The following RAVER2 variants were observed in gnomAD, a reference collection of about 807,000 sequenced individuals.
The protein encoded by RAVER2 is ribonucleoprotein PTB-binding 2.
RAVER2 carries 46 observed loss-of-function variants against 78.1 expected under a neutral mutation model. The ratio of observed to expected loss-of-function variants is 0.59; its 90% confidence interval spans 0.46 to 0.75. The LOEUF is 0.75. Ranked by LOEUF, RAVER2 falls within the 30% of genes least tolerant of loss-of-function variation. The pLI is 0.00. For missense variants in RAVER2, 793 were observed against 837.5 expected (o/e 0.95, Z 0.66); for synonymous variants, 311 against 313.3 (o/e 0.99, Z 0.08).
At chr1:64,763,532 A>G (rs1652082521) in intron 1 of RAVER2, among the ~76,000 whole-genome samples, 1 of 152,192 alleles carries the variant, frequency 6.6e-6, no homozygotes, top group South Asian at 2.1e-4. Flanking sequence ...AAGTAGAGCA[A>G]TTGGCACTCA....
rs368092695 is a variant in RAVER2, at chr1:64,751,551, A to G, written c.249+6130A>G. Among the ~76,000 whole-genome samples, 14 of 152,226 alleles carry G rather than the reference A, an allele frequency of 9.2e-5. No homozygotes were observed. The East Asian group carries it at 9.6e-4, about 10-fold the overall frequency. On this transcript the variant is annotated intron_variant, in intron 1 of 11. Transcript: ENST00000294428. ...TCTCTTGATTCTTCTATTTGCACTT[A>G]TTCTTCTTTCCTTATGGACAAAAAG...
chr1:64,778,028 A>G lies in RAVER2; in HGVS notation c.722A>G (p.Asp241Gly), dbSNP rs923557148. 5 of 1,613,930 alleles carry G rather than the reference A, an allele frequency of 3.1e-6. No homozygotes were observed. The African/African-American group carries it at 5.3e-5, about 17-fold the overall frequency. Residue 241 changes from aspartate to glycine, a missense_variant, in exon 3 of 12, where the codon GAC becomes GGC. Physicochemically the swap from Asp to Gly is moderately conservative, Grantham distance 94. Transcript: ENST00000294428. ...CTTTGTATTGATAAACTCCCCAGTG[A>G]CTACAGGGATTCAGAAGAGCTGTTG...
intron 11 of RAVER2, among the ~76,000 whole-genome samples, chr1:64,821,057 C>T (rs948514774): frequency 1.3e-5 from 2 of 152,302 alleles, no homozygotes; most frequent in African/African-American, 2.4e-5. Flanking sequence ...TCCACAACCT[C>T]GCCAGCATCT....
chr1:64,802,125 A>C (rs551968448), intron 5 of RAVER2, among the ~76,000 whole-genome samples: 1 of 152,330 alleles, frequency 6.6e-6, no homozygotes, highest in African/African-American at 2.4e-5. Flanking sequence ...GGAGTGTAGC[A>C]ATGAGGACGG....
chr1:64,822,160 C>T (rs1037443537), intron 11 of RAVER2, among the ~76,000 whole-genome samples: 6 of 151,992 alleles, frequency 3.9e-5, no homozygotes, highest in East Asian at 1.9e-4. Flanking sequence ...TGGTGGTGGG[C>T]GCCTGTAGTC....
At chr1:64,826,555 T>TAGCAAA (rs1654007520) in intron 11 of RAVER2, among the ~76,000 whole-genome samples, 1 of 152,130 alleles carries the variant, frequency 6.6e-6, no homozygotes, top group African/African-American at 2.4e-5. Flanking sequence ...TAGGAGATGA[T>TAGCAAA]GTCACAGTGG....
chr1:64,797,398 T>C (rs1444812348), intron 5 of RAVER2, among the ~76,000 whole-genome samples: 2 of 152,222 alleles, frequency 1.3e-5, no homozygotes, highest in African/African-American at 2.4e-5. Flanking sequence ...TTCTGATTGT[T>C]GTTTCTGTTG....
rs367722790 is a variant in RAVER2, at chr1:64,763,106, G to A, written c.250-5550G>A. 2.4e-4 allele frequency among the ~76,000 whole-genome samples: 37 copies of A among 151,974 alleles called. No homozygotes were observed. The East Asian group carries it at 6.4e-3, about 26-fold the overall frequency. On this transcript the variant is annotated intron_variant, in intron 1 of 11. Transcript: ENST00000294428. The stretch of plus-strand genomic sequence containing the variant: ...GGGCAGATCATGAGGTCAGGCGATC[G>A]AGACCATCCTGGCTAACACGGTGAA...
At chr1:64,808,467 T>TC (rs1653507411) in intron 9 of RAVER2, among the ~76,000 whole-genome samples, 1 of 145,080 alleles carries the variant, frequency 6.9e-6, no homozygotes, top group Non-Finnish European at 1.5e-5. Flanking sequence ...TTTTTTTTTT[T>TC]TTTTTTTTTT....
intron 11 of RAVER2, among the ~76,000 whole-genome samples, chr1:64,829,574 C>T (rs1328023296): frequency 1.3e-5 from 2 of 152,168 alleles, no homozygotes; most frequent in African/African-American, 2.4e-5. Flanking sequence ...CTGTTTGGTG[C>T]AGCAGCCCTT....
Position 64,781,494 on chromosome 1 carries a change from A to C in RAVER2, c.901A>C (p.Lys301Gln), listed in dbSNP as rs2100838774. Residue 301 changes from lysine to glutamine, a missense_variant, in exon 4 of 12, where the codon AAA (lysine) becomes CAA (glutamine). Coordinates refer to ENST00000294428, the Ensembl canonical transcript of RAVER2. ...AGACGGTATGACCATCAAGGGCAGCAAAGTCCAGGTTTCCTTCTGTGCTCC... is the reference window on the plus strand; with the variant it reads ...AGACGGTATGACCATCAAGGGCAGCCAAGTCCAGGTTTCCTTCTGTGCTCC... 3 of 1,614,178 alleles carry C rather than the reference A, an allele frequency of 1.9e-6. No homozygotes were observed. In the East Asian group the frequency reaches 6.7e-5, roughly 36 times the overall value.
At chr1:64,790,469 G>T (rs374116511) in intron 5 of RAVER2, among the ~76,000 whole-genome samples, 3 of 152,126 alleles carry the variant, frequency 2.0e-5, no homozygotes, top group African/African-American at 7.2e-5. Context: ...GCCCCAAAGC[G>T]CAAGAGTAGT....
intron 1 of RAVER2, among the ~76,000 whole-genome samples, chr1:64,759,845 A>G (rs939997591): frequency 3.9e-5 from 6 of 152,154 alleles, no homozygotes; most frequent in African/African-American, 1.4e-4. Flanking sequence ...CACTCTAAAC[A>G]TATTGGTTTA....
intron 1 of RAVER2, among the ~76,000 whole-genome samples, chr1:64,763,954 A>C (rs200871676): frequency 1.6e-4 from 24 of 149,144 alleles, no homozygotes; most frequent in South Asian, 6.5e-4. Context: ...ACACACACAC[A>C]CCCCTACCAT....
At chr1:64,746,748 G>A (rs1397425612) in intron 1 of RAVER2, among the ~76,000 whole-genome samples, 1 of 152,050 alleles carries the variant, frequency 6.6e-6, no homozygotes, top group African/African-American at 2.4e-5. Context: ...GTAATGTTTT[G>A]TGATACTACC....
rs571978946 is a variant in RAVER2, at chr1:64,778,839, T to C, written c.786+747T>C. Among the ~76,000 whole-genome samples, 359 of 149,458 alleles carry C rather than the reference T, an allele frequency of 2.4e-3. 4 individuals are homozygous for C. The highest frequency in any genetic ancestry group is 8.4e-3 in the African/African-American group (344 of 41,106). The stretch of plus-strand genomic sequence containing the variant: ...GCACTCCCTTCCCATCCACGCTCCT[T>C]TTCCTCTTACCTCTGTTGTTTCCTC... On this transcript the variant is annotated intron_variant, in intron 3 of 11. Transcript: ENST00000294428.
In RAVER2 at chr1:64,814,738, A is replaced by C. The variant is rs748296834; in HGVS notation, c.1827A>C (p.Gly609=). The C allele has an allele frequency of 7.0e-6, 11 of 1,570,238 alleles. No homozygotes were observed. In the South Asian group the frequency reaches 1.3e-4, roughly 19 times the overall value. Residue 609 remains glycine, a synonymous_variant, in exon 11 of 12, where the codon GGA becomes GGC. Coordinates refer to ENST00000294428, the Ensembl canonical transcript of RAVER2. Reference sequence around the variant, plus strand: ...GTAAAACCACTCTTCATAAGACTGGAATTGCAAGCAGCATTCTGGATGCAA... The same window carrying C: ...GTAAAACCACTCTTCATAAGACTGGCATTGCAAGCAGCATTCTGGATGCAA...
At chr1:64,747,431 A>G (rs1322215540) in intron 1 of RAVER2, among the ~76,000 whole-genome samples, 2 of 152,104 alleles carry the variant, frequency 1.3e-5, no homozygotes, top group Non-Finnish European at 2.9e-5. Context: ...TTGTTCAATT[A>G]TTAAGTAATC....
At chr1:64,830,812 A>G (rs374969300) in intron 11 of RAVER2, 27 bp from the exon 12 acceptor site, 53 of 1,555,182 alleles carry the variant, frequency 3.4e-5, no homozygotes, top group Non-Finnish European at 4.5e-5. Context: ...AGATTTTAAA[A>G]CTAGCTGCAA....
Sources: gnomAD v4.1 joint callset for allele counts (sites outside exome capture counted in the v4.1 genomes callset) on GRCh38, gnomAD v4.1.1 for gene constraint, MANE v1.5 for transcripts, NCBI Gene and HGNC (gene_info 2026-07-23, HGNC 2026-07-21) for gene names.